BRD3: variants seen among roughly 807,000 people sequenced by gnomAD.
BRD3 encodes bromodomain-containing protein 3.
In BRD3, 17 loss-of-function variants were observed where a neutral mutation model predicts 66.8. The ratio of observed to expected loss-of-function variants is 0.25; its 90% CI spans 0.17 to 0.38. The LOEUF is 0.38. Ranked by LOEUF, BRD3 falls within the 10% of genes least tolerant of loss-of-function variation. BRD3 has a pLI of 1.00. For missense variants in BRD3, 713 were observed against 956.1 expected, an observed-to-expected ratio of 0.75 and a Z score of 3.35; for synonymous variants, 421 against 393.2, an observed-to-expected ratio of 1.07 and a Z score of -0.84.
Position 134,064,973 on chromosome 9 carries a change from C to T in BRD3, c.-114+2972G>A, listed in dbSNP as rs575314053. On this transcript the variant is annotated intron_variant, in intron 1 of 11. Coordinates refer to ENST00000303407, the MANE Select transcript of BRD3 (RefSeq NM_007371.4). ...ACCCCATCATGCTTTGCTACCTGTG[C>T]ATCTCTTCTGCTCCAACAAGGGGGC... 8.5e-5 allele frequency among the ~76,000 whole-genome samples: 13 copies of T among 152,360 alleles called. No individual in the cohort carries two copies. In the East Asian group the frequency reaches 2.5e-3, roughly 29 times the overall value.
rs1843495177 is a variant in BRD3, at chr9:134,030,398, T to C, written c.*3192A>G. The C allele has an allele frequency of 5.6e-6, 1 of 178,678 alleles. No homozygotes were observed. Among genetic ancestry groups the C allele is most frequent in the Non-Finnish European group, 1.2e-5 (1 of 84,838 alleles). 11.1% of individuals were successfully genotyped at this position (178,678 alleles called of 1,614,324 possible). The stretch of plus-strand genomic sequence containing the variant: ...GATTACCAGAAACATCAAAGAGTAC[T>C]TTCTACCATTTTTATTCTGTTGTGT... On this transcript the variant is annotated 3_prime_UTR_variant, in exon 12 of 12. Coordinates refer to ENST00000303407, the MANE Select transcript of BRD3 (RefSeq NM_007371.4).
chr9:134,048,497 C>A (rs199935612), intron 5 of BRD3, 43 bp from the exon 6 acceptor site: 310 of 1,595,998 alleles, frequency 1.9e-4, no homozygotes, highest in Middle Eastern at 3.3e-4. Context: ...AACCAGGGGC[C>A]CCGAAGACGC....
rs577264206 is a variant in BRD3, at chr9:134,053,904, G to A, written c.-113-314C>T. 4.4e-5 allele frequency: 9 copies of A among 203,886 alleles called. No individual in the cohort carries two copies. The East Asian group carries it at 8.1e-4, about 18-fold the overall frequency. The allele number at this position is 203,886 out of a possible 1,614,324, so 12.6% of individuals were successfully genotyped here. A position where few individuals can be genotyped will look rare whatever the true frequency, so the allele number is the denominator to read the frequency against. On this transcript the variant is annotated intron_variant, in intron 1 of 11. Coordinates refer to ENST00000303407, the MANE Select transcript of BRD3 (RefSeq NM_007371.4). ...GGGGAACACACTGGGAGGCAGGTGTGCCAAGGGACTCAGCCACTGGCAGCC... is the reference window on the plus strand; with the variant it reads ...GGGGAACACACTGGGAGGCAGGTGTACCAAGGGACTCAGCCACTGGCAGCC...
chr9:134,060,587 GACACAC>G (rs10661799), intron 1 of BRD3, among the ~76,000 whole-genome samples: 4,697 of 143,852 alleles, frequency 0.033, 93 homozygotes, highest in Non-Finnish European at 0.038. Context: ...GCAAGACCCT[GACACAC>G]ACACACACAC....
rs559726840 is a variant in BRD3 at position 134,042,744 on chromosome 9, T to C, written c.1216-793A>G. 5.7e-4 allele frequency among the ~76,000 whole-genome samples: 77 copies of C among 135,606 alleles called. 1 individual carries two copies. The highest frequency in any genetic ancestry group is 1.7e-3 in the African/African-American group (49 of 28,884). The allele number at this position is 135,606 out of a possible 152,430, so 89.0% of individuals were successfully genotyped here. On this transcript the variant is annotated intron_variant, in intron 7 of 11. Transcript: ENST00000303407. ...ATACACATATATATACACACATATA[T>C]ACACATATATACACATATATACACA...
At chr9:134,040,455 C>A (rs455381) in intron 8 of BRD3, among the ~76,000 whole-genome samples, 186 bp from the exon 9 acceptor site, 39,849 of 152,074 alleles carry the variant, frequency 0.26, 6,313 homozygotes, top group East Asian at 0.62. Context: ...GAGTCATGAG[C>A]CCTCTCCGCC....
At chr9:134,046,478 G>A (rs997333617) in intron 6 of BRD3, among the ~76,000 whole-genome samples, 2 of 152,202 alleles carry the variant, frequency 1.3e-5, no homozygotes, top group Non-Finnish European at 2.9e-5. Context: ...ACCCGCAGAG[G>A]GCGCCCCCAA....
chr9:134,066,995 G>A (rs1163401539), intron 1 of BRD3, among the ~76,000 whole-genome samples: 1 of 151,664 alleles, frequency 6.6e-6, no homozygotes, highest in East Asian at 2.0e-4. Flanking sequence ...CCCTGCCCCC[G>A]AACGAGCAAC....
intron 9 of BRD3, among the ~76,000 whole-genome samples, chr9:134,036,755 T>TCCCA (rs993810411): frequency 2.6e-5 from 4 of 152,196 alleles, no homozygotes; most frequent in African/African-American, 9.7e-5. Context: ...ACGCCTGTAA[T>TCCCA]CCCAGCACTT....
Position 134,045,783 on chromosome 9 carries a change from C to T in BRD3, c.1087-362G>A, listed in dbSNP as rs465535. 0.33 allele frequency among the ~76,000 whole-genome samples: 49,460 copies of T among 152,030 alleles called. 8,510 individuals carry two copies. Among genetic ancestry groups the T allele is most frequent in the East Asian group, 0.63 (3,227 of 5,142 alleles). On this transcript the variant is annotated intron_variant, in intron 6 of 11. Transcript: ENST00000303407. The surrounding 1 kb of genome is among the most constrained non-coding windows in gnomAD (Gnocchi z 4.8). ...GCGGGTAAATCTTCACACGCCGCCACGCCATCAGCAGCCCCAGGGGGCGTG... is the reference window on the plus strand; with the variant it reads ...GCGGGTAAATCTTCACACGCCGCCATGCCATCAGCAGCCCCAGGGGGCGTG...
At chr9:134,068,532 C>T (rs536663017), upstream of BRD3, 20 of 150,524 alleles carry the variant, frequency 1.3e-4, no homozygotes, top group Admixed American at 1.1e-3. Context: ...CCTAATTAGC[C>T]TGGCGGGAGC....
At chr9:134,066,660 T>C (rs561576605) in intron 1 of BRD3, among the ~76,000 whole-genome samples, 1 of 152,158 alleles carries the variant, frequency 6.6e-6, no homozygotes, top group Non-Finnish European at 1.5e-5. Context: ...CTGTTCCTTC[T>C]CACAGGGTAG....
At chr9:134,034,222 C>T (rs1248815996) in intron 11 of BRD3, among the ~76,000 whole-genome samples, 5 of 152,248 alleles carry the variant, frequency 3.3e-5, no homozygotes, top group Non-Finnish European at 7.3e-5. Context: ...GATGTGTGCT[C>T]TAACAGGGTC....
At position 134,032,098 on chromosome 9, in the gene BRD3, C is replaced by T. The variant is rs572064417; in HGVS notation, c.*1492G>A. 101 of 217,778 alleles carry T rather than the reference C, an allele frequency of 4.6e-4. 1 individual carries two copies. The highest frequency in any genetic ancestry group is 2.2e-3 in the African/African-American group (98 of 44,434). 13.5% of individuals were successfully genotyped at this position (217,778 alleles called of 1,614,324 possible). Reference sequence around the variant, plus strand: ...GGAGGCTAACTCTGGCATTCCTGGCCGGAGCCGCCATGCTCATTGGTGGGC... The same window carrying T: ...GGAGGCTAACTCTGGCATTCCTGGCTGGAGCCGCCATGCTCATTGGTGGGC... On this transcript the variant is annotated 3_prime_UTR_variant, in exon 12 of 12. Coordinates refer to ENST00000303407, the MANE Select transcript of BRD3 (RefSeq NM_007371.4).
At chr9:134,035,371 G>A (rs1843584574) in intron 10 of BRD3, among the ~76,000 whole-genome samples, 1 of 152,174 alleles carries the variant, frequency 6.6e-6, no homozygotes, top group South Asian at 2.1e-4. Flanking sequence ...GAGGCCACAT[G>A]CAAGTTCAAG....
chr9:134,058,725 G>T (rs976649125), intron 1 of BRD3: 1 of 152,448 alleles, frequency 6.6e-6, no homozygotes, highest in East Asian at 1.9e-4. Context: ...GATACACAAA[G>T]GTTCAAACTA....
At position 134,050,380 on chromosome 9, in the gene BRD3, G is replaced by A. The variant is rs55913213; in HGVS notation, c.708C>T (p.Val236=). The A allele has an allele frequency of 0.015, 24,169 of 1,610,512 alleles. 246 individuals carry two copies. The highest frequency in any genetic ancestry group is 0.017 in the Non-Finnish European group (20,527 of 1,179,430). ...CCGGACTCAGGGTGCTCACCTTGAC[G>A]ACAGGCGGCGTAGGAGGGACCACGG... ...IVPVVPPTPP[V]VKKKGVKRKA... Residue 236 remains valine (V), a synonymous_variant, in exon 5 of 12, where the codon GTC becomes GTT. Transcript: ENST00000303407.
intron 1 of BRD3, among the ~76,000 whole-genome samples, chr9:134,063,450 G>A (rs952621818): frequency 6.6e-6 from 1 of 152,192 alleles, no homozygotes; most frequent in Non-Finnish European, 1.5e-5. Flanking sequence ...TGCACATTTT[G>A]CTCCTTGTGG....
In BRD3 at chr9:134,045,347, G is replaced by A. The variant is rs1185563179; in HGVS notation, c.1161C>T (p.Cys387=). ...AADVRLMFSN[C]YKYNPPDHEV... is the part of the protein sequence containing the mutation. ...CGTGGTCTGGGGGATTGTATTTGTA[G>A]CAATTCGAGAACATCAGCCGGACAT... Residue 387 remains cysteine, a synonymous_variant, in exon 7 of 12, where the codon TGC becomes TGT. Transcript: ENST00000303407. This position sits in a 1 kb window ranked among gnomAD's most constrained non-coding sequence, Gnocchi z 4.8. 1.2e-6 allele frequency: 2 copies of A among 1,613,732 alleles called. No homozygotes were observed. The highest frequency in any genetic ancestry group is 4.5e-5 in the East Asian group (2 of 44,886).
Sources: gnomAD v4.1 joint callset for allele counts (sites outside exome capture counted in the v4.1 genomes callset) on GRCh38, gnomAD v4.1.1 for gene constraint, Gnocchi (gnomAD v3.1) non-coding constraint, MANE v1.5 for transcripts, NCBI Gene and HGNC (gene_info 2026-07-23, HGNC 2026-07-21) for gene names.